Variants in PARVA observed in about 807,000 individuals in gnomAD.
PARVA encodes the protein parvin alpha.
In PARVA, 25 loss-of-function variants were observed where a neutral mutation model predicts 52.6. That is an observed-to-expected ratio of 0.48 (90% CI 0.35 to 0.66). The LOEUF (loss-of-function observed/expected upper bound fraction) is 0.66. PARVA is among the 30% of genes least tolerant of loss of function. The probability of loss-of-function intolerance (pLI) is 0.01; values close to 1 mark genes in which losing one functional copy is unlikely to be tolerated. For missense variants in PARVA, 373 were observed against 450.9 expected (o/e 0.83, Z 1.56); for synonymous variants, 185 against 179.1 (o/e 1.03, Z -0.26).
Position 12,518,602 on chromosome 11 carries a change from G to A in PARVA, c.1042+85G>A, listed in dbSNP as rs867443637. 226 of 1,007,564 alleles carry A rather than the reference G, an allele frequency of 2.2e-4. 3 individuals are homozygous for A. The highest frequency in any genetic ancestry group is 1.6e-3 in the Middle Eastern group (8 of 4,962). 62.4% of individuals were successfully genotyped at this position (1,007,564 alleles called of 1,614,324 possible). A position where few individuals can be genotyped will look rare whatever the true frequency, so the allele number is the denominator to read the frequency against. On this transcript the variant is annotated intron_variant, in intron 12 of 12. Coordinates refer to ENST00000334956, the MANE Select transcript of PARVA (RefSeq NM_018222.5). ...TACTCAGATTTTGTAGCAGAGGGAAGCATTTTCTGAAGCCTTCGTTGCTGG... is the reference window on the plus strand; with the variant it reads ...TACTCAGATTTTGTAGCAGAGGGAAACATTTTCTGAAGCCTTCGTTGCTGG...
intron 10 of PARVA, among the ~76,000 whole-genome samples, chr11:12,515,662 T>C (rs1259404840): frequency 6.6e-6 from 1 of 152,134 alleles, no homozygotes; most frequent in Non-Finnish European, 1.5e-5. Context: ...TTGGATTCTT[T>C]TACTCCTAAC....
intron 4 of PARVA, among the ~76,000 whole-genome samples, chr11:12,495,703 TCAGA>T (rs1316509521): frequency 6.6e-6 from 1 of 152,142 alleles, no homozygotes; most frequent in Non-Finnish European, 1.5e-5. Context: ...TAAAAACCAC[TCAGA>T]AAGAGAAAAA....
chr11:12,417,610 G>T (rs2134980958), intron 1 of PARVA, among the ~76,000 whole-genome samples: 1 of 152,236 alleles, frequency 6.6e-6, no homozygotes, highest in East Asian at 1.9e-4. Context: ...AAAACAATCA[G>T]TAGGAGAGGA....
chr11:12,507,091 T>G (rs770327057), intron 6 of PARVA, among the ~76,000 whole-genome samples: 1 of 152,162 alleles, frequency 6.6e-6, no homozygotes, highest in Non-Finnish European at 1.5e-5. Context: ...TTTTTTGTTT[T>G]GATTAGTCCA....
intron 1 of PARVA, among the ~76,000 whole-genome samples, chr11:12,446,239 T>C (rs1400077315): frequency 1.3e-5 from 2 of 152,068 alleles, no homozygotes; most frequent in Non-Finnish European, 2.9e-5. Context: ...AGGTTATGAG[T>C]AGACAATTCA....
intron 1 of PARVA, among the ~76,000 whole-genome samples, chr11:12,427,883 A>C (rs1260993972): frequency 1.3e-5 from 2 of 152,220 alleles, no homozygotes; most frequent in East Asian, 3.8e-4. Flanking sequence ...TTTCTAGGTA[A>C]CACAACTGCT....
rs147477822 is a variant in PARVA, at chr11:12,455,746, G to T, written c.137-17999G>T. ...ACAGTCCAGGTGCTGTGAGAATTGA[G>T]CACCATTTTTTTTCTGCTTCTTGCC... is the stretch of plus-strand genomic sequence containing the variant. On this transcript the variant is annotated intron_variant, in intron 1 of 12. Coordinates refer to ENST00000334956, the MANE Select transcript of PARVA (RefSeq NM_018222.5). Among the ~76,000 whole-genome samples, 168 of 152,202 alleles carry T rather than the reference G, an allele frequency of 1.1e-3. 1 individual carries two copies. The highest frequency in any genetic ancestry group is 3.9e-3 in the African/African-American group (162 of 41,524).
intron 1 of PARVA, among the ~76,000 whole-genome samples, chr11:12,378,577 T>A (rs866000398): frequency 4.0e-5 from 1 of 24,810 alleles, no homozygotes. Flanking sequence ...CCTTATTCTT[T>A]TTTTTTTTTT....
At chr11:12,469,562 T>C (rs1940903605) in intron 1 of PARVA, among the ~76,000 whole-genome samples, 1 of 152,078 alleles carries the variant, frequency 6.6e-6, no homozygotes, top group Non-Finnish European at 1.5e-5. Context: ...TTAATAGAAA[T>C]GAAACCTCCA....
At chr11:12,408,821 G>C (rs964503132) in intron 1 of PARVA, among the ~76,000 whole-genome samples, 1 of 152,164 alleles carries the variant, frequency 6.6e-6, no homozygotes, top group Non-Finnish European at 1.5e-5. Flanking sequence ...TGGGAAGCGG[G>C]GTGGTCACTT....
intron 12 of PARVA, among the ~76,000 whole-genome samples, chr11:12,527,515 A>G (rs1307969029): frequency 6.6e-6 from 1 of 151,750 alleles, no homozygotes; most frequent in Non-Finnish European, 1.5e-5. Context: ...GTCCTAATGC[A>G]CCCCCTGGTC....
chr11:12,438,178 T>C (rs889796549), intron 1 of PARVA, among the ~76,000 whole-genome samples: 23 of 149,692 alleles, frequency 1.5e-4, no homozygotes, highest in African/African-American at 5.7e-4. Flanking sequence ...GAGAATGGTG[T>C]GAACCTGGGA....
chr11:12,453,222 A>G (rs1224932992), intron 1 of PARVA, among the ~76,000 whole-genome samples: 1 of 151,124 alleles, frequency 6.6e-6, no homozygotes, highest in Non-Finnish European at 1.5e-5. Context: ...AGAGGTAGCT[A>G]TGGGGGGTAG....
intron 1 of PARVA, among the ~76,000 whole-genome samples, chr11:12,415,444 TC>T (rs1380523967): frequency 6.9e-6 from 1 of 144,044 alleles, no homozygotes; most frequent in Non-Finnish European, 1.5e-5. Context: ...GCCCTCCCCA[TC>T]CCCTCCCCCA....
In PARVA at chr11:12,532,258, T is replaced by A. The variant is rs930354084; in HGVS notation, c.*4333T>A. On this transcript the variant is annotated 3_prime_UTR_variant, in exon 13 of 13. Coordinates refer to ENST00000334956, the MANE Select transcript of PARVA (RefSeq NM_018222.5). ...CTACAGGATATTAGTAAATGTTAGA[T>A]GAAAAAAAAAGTCACGTTTAAATAT... 6.6e-6 allele frequency among the ~76,000 whole-genome samples: 1 copy of A among 151,906 alleles called. No individual in the cohort carries two copies. Among genetic ancestry groups the A allele is most frequent in the Non-Finnish European group, 1.5e-5 (1 of 67,952 alleles).
intron 4 of PARVA, among the ~76,000 whole-genome samples, chr11:12,482,813 A>G (rs558923798): frequency 2.7e-4 from 41 of 152,290 alleles, no homozygotes; most frequent in African/African-American, 7.9e-4. Context: ...TCACTACCCC[A>G]TGATTCAGTT....
At chr11:12,441,287 G>A (rs900482263) in intron 1 of PARVA, among the ~76,000 whole-genome samples, 1 of 152,090 alleles carries the variant, frequency 6.6e-6, no homozygotes, top group African/African-American at 2.4e-5. Context: ...TAGACCATCT[G>A]CCATGCTTCA....
intron 4 of PARVA, among the ~76,000 whole-genome samples, chr11:12,494,206 A>G (rs1414941493): frequency 6.6e-6 from 1 of 152,192 alleles, no homozygotes; most frequent in African/African-American, 2.4e-5. Flanking sequence ...ATATTTACCA[A>G]CCAGGAAGCT....
At chr11:12,378,422 C>T (rs1293921251) in intron 1 of PARVA, among the ~76,000 whole-genome samples, 1 of 152,084 alleles carries the variant, frequency 6.6e-6, no homozygotes, top group Non-Finnish European at 1.5e-5. Flanking sequence ...ACCTAGCGTG[C>T]CCTCGGTGTA....
Sources: gnomAD v4.1 joint callset for allele counts (sites outside exome capture counted in the v4.1 genomes callset) on GRCh38, gnomAD v4.1.1 for gene constraint, MANE v1.5 for transcripts, NCBI Gene and HGNC (gene_info 2026-07-23, HGNC 2026-07-21) for gene names.